Variants in PTPRD observed in about 807,000 individuals in gnomAD.
The protein encoded by PTPRD is receptor-type tyrosine-protein phosphatase delta.
PTPRD carries 34 observed loss-of-function variants against 214.5 expected under a neutral mutation model. The ratio of observed to expected loss-of-function variants is 0.16; its 90% CI spans 0.12 to 0.21. The LOEUF (loss-of-function observed/expected upper bound fraction) is 0.21. Ranked by LOEUF, PTPRD falls within the 10% of genes least tolerant of loss-of-function variation. The pLI is 1.00. For synonymous variants in PTPRD, 1,128 were observed against 845.7 expected (o/e 1.33, Z -5.79); for missense variants, 2,545 against 2,398.7 (o/e 1.06, Z -1.27).
At chr9:8,753,572 C>T (rs555700669) in intron 11 of PTPRD, among the ~76,000 whole-genome samples, 7,699 of 152,112 alleles carry the variant, frequency 0.051, 482 homozygotes, top group African/African-American at 0.15. Context: ...TGACTAGTTA[C>T]TAGAATGTGT....
chr9:9,696,552 A>T (rs1351182750), intron 7 of PTPRD, among the ~76,000 whole-genome samples: 1 of 152,100 alleles, frequency 6.6e-6, no homozygotes, highest in Non-Finnish European at 1.5e-5. Context: ...ATCATTATGT[A>T]GTGTCCTCCT....
chr9:9,388,383 C>T (rs907705433), intron 9 of PTPRD, among the ~76,000 whole-genome samples: 5 of 152,144 alleles, frequency 3.3e-5, no homozygotes, highest in South Asian at 2.1e-4. Flanking sequence ...ACTTCCCTTC[C>T]CCTCTTCTGT....
At chr9:8,574,366 CCT>C (rs1292878429) in intron 14 of PTPRD, among the ~76,000 whole-genome samples, 3 of 151,804 alleles carry the variant, frequency 2.0e-5, no homozygotes, top group Non-Finnish European at 4.4e-5. Flanking sequence ...ATAATATTGT[CCT>C]CTGATAAAAA....
intron 8 of PTPRD, among the ~76,000 whole-genome samples, chr9:9,419,531 C>G (rs1448314610): frequency 6.6e-6 from 1 of 151,678 alleles, no homozygotes; most frequent in African/African-American, 2.4e-5. Context: ...ACCTATAATT[C>G]TGCTTAGAAG....
At chr9:9,154,041 C>T (rs947227126) in intron 10 of PTPRD, among the ~76,000 whole-genome samples, 3 of 152,084 alleles carry the variant, frequency 2.0e-5, no homozygotes, top group Non-Finnish European at 2.9e-5. Flanking sequence ...TAGACGTGAT[C>T]TAGTAACATC....
Position 8,500,948 on chromosome 9 carries a change from T to C in PTPRD, c.1934A>G (p.Tyr645Cys), listed in dbSNP as rs2136978533. The change falls in exon 24 of 46, where the codon TAC becomes TGC. Residue 645 changes from tyrosine (Y) to cysteine (C), a missense_variant. By Grantham distance (194) the Tyr-to-Cys change is radical. Transcript: ENST00000381196. ...ATCCACTGCAGTGTACTTGATGGAGTATTCAGTGATAATGCCATTCTGTTT... is the reference window on the plus strand; with the variant it reads ...ATCCACTGCAGTGTACTTGATGGAGCATTCAGTGATAATGCCATTCTGTTT... Reference protein sequence around the residue: ...VEKQNGIITEYSIKYTAVDGE... With the variant: ...VEKQNGIITECSIKYTAVDGE... 1.1e-5 allele frequency: 18 copies of C among 1,613,824 alleles called. No individual in the cohort carries two copies. Among genetic ancestry groups the C allele is most frequent in the Non-Finnish European group, 1.4e-5 (17 of 1,179,960 alleles).
chr9:10,148,365 C>T (rs1282920024), intron 3 of PTPRD, among the ~76,000 whole-genome samples: 2 of 152,052 alleles, frequency 1.3e-5, no homozygotes, highest in Non-Finnish European at 1.5e-5. Flanking sequence ...TGGCATGATG[C>T]TAAGTGTTGG....
intron 9 of PTPRD, among the ~76,000 whole-genome samples, chr9:9,238,041 T>C (rs1450419883): frequency 6.6e-6 from 1 of 151,936 alleles, no homozygotes; most frequent in African/African-American, 2.4e-5. Flanking sequence ...TGGTGAAGAG[T>C]AGATACAAGA....
chr9:8,700,393 T>C (rs536669283), intron 12 of PTPRD, among the ~76,000 whole-genome samples: 55 of 152,358 alleles, frequency 3.6e-4, no homozygotes, highest in African/African-American at 1.3e-3. Context: ...TTTATCATCA[T>C]GATGTACTTA....
At chr9:10,158,849 C>G (rs186339757) in intron 3 of PTPRD, among the ~76,000 whole-genome samples, 52 of 152,220 alleles carry the variant, frequency 3.4e-4, no homozygotes, top group African/African-American at 1.2e-3. Context: ...CAAGAAGCAT[C>G]AGGAGTGCCT....
chr9:8,852,342 T>C (rs768408325), intron 11 of PTPRD, among the ~76,000 whole-genome samples: 4 of 152,226 alleles, frequency 2.6e-5, no homozygotes, highest in South Asian at 2.1e-4. Flanking sequence ...ATCTAGTAAA[T>C]AGCCATGTGG....
At chr9:9,030,232 A>G (rs905852161) in intron 10 of PTPRD, among the ~76,000 whole-genome samples, 3 of 133,616 alleles carry the variant, frequency 2.2e-5, no homozygotes, top group Admixed American at 7.7e-5. Context: ...CAGATGTTCC[A>G]TGATTTGTCT....
At chr9:9,912,942 T>G (rs997669014) in intron 5 of PTPRD, among the ~76,000 whole-genome samples, 2 of 152,108 alleles carry the variant, frequency 1.3e-5, no homozygotes, top group African/African-American at 4.8e-5. Flanking sequence ...TTTTTTGCTC[T>G]TCCTTCTCTC....
chr9:9,165,174 T>C (rs1207438816), intron 10 of PTPRD, among the ~76,000 whole-genome samples: 1 of 152,184 alleles, frequency 6.6e-6, no homozygotes, highest in African/African-American at 2.4e-5. Flanking sequence ...AGATTATAGA[T>C]GTGAATAAGA....
At chr9:9,554,750 C>T (rs879925485) in intron 8 of PTPRD, among the ~76,000 whole-genome samples, 1 of 152,008 alleles carries the variant, frequency 6.6e-6, no homozygotes, top group Non-Finnish European at 1.5e-5. Context: ...GAGGAAACGT[C>T]AACACTTCTT....
At chr9:10,327,045 A>G (rs1411975165) in intron 3 of PTPRD, among the ~76,000 whole-genome samples, 1 of 151,330 alleles carries the variant, frequency 6.6e-6, no homozygotes, top group Non-Finnish European at 1.5e-5. Flanking sequence ...TGATAAATTA[A>G]CTGATTCTCT....
At chr9:9,586,848 T>C (rs1056777215) in intron 7 of PTPRD, among the ~76,000 whole-genome samples, 12 of 152,136 alleles carry the variant, frequency 7.9e-5, no homozygotes, top group African/African-American at 2.6e-4. Flanking sequence ...GTATATCACA[T>C]TTATTCCATT....
chr9:9,233,027 A>G (rs1350710051), intron 9 of PTPRD, among the ~76,000 whole-genome samples: 1 of 152,186 alleles, frequency 6.6e-6, no homozygotes, highest in African/African-American at 2.4e-5. Flanking sequence ...TAAGACCCTT[A>G]TACCAGAAGG....
intron 4 of PTPRD, among the ~76,000 whole-genome samples, chr9:9,982,962 G>C: frequency 6.6e-6 from 1 of 151,932 alleles, no homozygotes; most frequent in East Asian, 1.9e-4. Flanking sequence ...AGGTGATGTG[G>C]CGGAAATCTG....
Sources: allele counts gnomAD v4.1 joint callset (sites outside exome capture counted in the v4.1 genomes callset), GRCh38; gene constraint gnomAD v4.1.1; transcripts MANE v1.5; gene names NCBI Gene and HGNC (gene_info 2026-07-23, HGNC 2026-07-21).